ADAMTSL1: variants seen among roughly 807,000 people sequenced by gnomAD.
The protein encoded by ADAMTSL1 is ADAMTS-like protein 1.
In ADAMTSL1, 126 loss-of-function variants were observed where a neutral mutation model predicts 201.8. The observed-to-expected ratio is 0.62, with a 90% CI of 0.54 to 0.72. The LOEUF (loss-of-function observed/expected upper bound fraction) is 0.72. Among genes scored for constraint, ADAMTSL1 ranks in the 30% least tolerant of loss-of-function variants. The pLI is 0.00. For synonymous variants in ADAMTSL1, 1,121 were observed against 903.4 expected, an observed-to-expected ratio of 1.24 and a Z score of -4.32; for missense variants, 2,679 against 2,277.8, an observed-to-expected ratio of 1.18 and a Z score of -3.59.
chr9:18,795,868 T>C (rs1822389321), intron 20 of ADAMTSL1, among the ~76,000 whole-genome samples: 1 of 152,208 alleles, frequency 6.6e-6, no homozygotes, highest in South Asian at 2.1e-4. Context: ...TTGTGAATTA[T>C]AATCATTGAA....
intron 19 of ADAMTSL1, among the ~76,000 whole-genome samples, chr9:18,792,263 A>G (rs77016865): frequency 0.019 from 2,953 of 152,320 alleles, 87 homozygotes; most frequent in African/African-American, 0.061. Flanking sequence ...AAGAGGATCT[A>G]GAAATTCCTT....
intron 1 of ADAMTSL1, among the ~76,000 whole-genome samples, chr9:17,982,541 G>C (rs760866723): frequency 1.4e-4 from 21 of 152,160 alleles, no homozygotes; most frequent in Non-Finnish European, 2.8e-4. Context: ...GAACCCAAGA[G>C]GTGGAAGTTG....
At position 18,706,359 on chromosome 9, in the gene ADAMTSL1, G is replaced by A. The variant is rs144778523; in HGVS notation, c.1575-388G>A. ...ATCTTGGTTTGACAGGATCTGGCCG[G>A]CTTCTTTCCAGCATCCTATTTTATT... On this transcript the variant is annotated intron_variant, in intron 13 of 28. Transcript: ENST00000380548. 2.0e-5 allele frequency among the ~76,000 whole-genome samples: 3 copies of A among 152,230 alleles called. No individual in the cohort carries two copies. In the East Asian group the frequency reaches 5.8e-4, roughly 29 times the overall value.
chr9:18,738,539 A>T (rs1818645748), intron 15 of ADAMTSL1, among the ~76,000 whole-genome samples: 1 of 151,872 alleles, frequency 6.6e-6, no homozygotes, highest in Non-Finnish European at 1.5e-5. Context: ...TTGGGGTAGA[A>T]ACACTCTCCA....
chr9:18,572,901 C>T (rs1317428118), intron 3 of ADAMTSL1, among the ~76,000 whole-genome samples: 1 of 152,064 alleles, frequency 6.6e-6, no homozygotes, highest in South Asian at 2.1e-4. Context: ...GCTGGAGAGT[C>T]GACGACAGTC....
chr9:18,135,582 C>G (rs1485602471), intron 1 of ADAMTSL1, among the ~76,000 whole-genome samples: 1 of 151,912 alleles, frequency 6.6e-6, no homozygotes, highest in Non-Finnish European at 1.5e-5. Context: ...AACTGCTGAG[C>G]CCAGGAGTTT....
chr9:18,753,641 G>A (rs1819589702), intron 16 of ADAMTSL1, 133 bp downstream of exon 16: 2 of 989,796 alleles, frequency 2.0e-6, no homozygotes, highest in East Asian at 2.6e-5. Context: ...TCCCTTCTTA[G>A]TACTCCCCTA....
chr9:18,452,355 G>A lies in ADAMTSL1; in HGVS notation c.208-52474G>A, dbSNP rs541582171. 1.2e-4 allele frequency among the ~76,000 whole-genome samples: 18 copies of A among 152,336 alleles called. No homozygotes were observed. The South Asian group carries it at 3.7e-3, about 32-fold the overall frequency. ...ACCTCTCAACACTTGCACTGGGGCTGACTTTCCAAAACATGAACTTGGAGA... is the reference window on the plus strand; with the variant it reads ...ACCTCTCAACACTTGCACTGGGGCTAACTTTCCAAAACATGAACTTGGAGA... On this transcript the variant is annotated intron_variant, in intron 2 of 29. Coordinates refer to the ADAMTSL1 transcript ENST00000680146.
At chr9:18,002,496 T>G (rs1480446871) in intron 1 of ADAMTSL1, among the ~76,000 whole-genome samples, 1 of 152,036 alleles carries the variant, frequency 6.6e-6, no homozygotes, top group Non-Finnish European at 1.5e-5. Flanking sequence ...CTTAATAATG[T>G]AACTATTATT....
At chr9:18,826,088 C>A in intron 21 of ADAMTSL1, 196 bp from the exon 22 acceptor site, 1 of 640,690 alleles carries the variant, frequency 1.6e-6, no homozygotes, top group Non-Finnish European at 2.8e-6. Context: ...TATTCTGATT[C>A]TTTGGTCACC....
rs535662610 is a variant in ADAMTSL1 at position 18,644,730 on chromosome 9, T to C, written c.834+5319T>C. Among the ~76,000 whole-genome samples, 9 of 152,198 alleles carry C rather than the reference T, an allele frequency of 5.9e-5. No individual in the cohort carries two copies. In the South Asian group the frequency reaches 1.9e-3, roughly 32 times the overall value. ...AAGGACATGAACTCATCATTTTTTA[T>C]GGCTGCATAGTATTCCATGGTGTAT... On this transcript the variant is annotated intron_variant, in intron 7 of 28. Coordinates refer to ENST00000380548, the MANE Select transcript of ADAMTSL1 (RefSeq NM_001040272.6).
chr9:18,172,089 G>C (rs1448882236), intron 2 of ADAMTSL1, among the ~76,000 whole-genome samples: 1 of 148,500 alleles, frequency 6.7e-6, no homozygotes, highest in Admixed American at 6.8e-5. Flanking sequence ...GAGAACACAT[G>C]GACACAGGGA....
chr9:18,344,537 A>G (rs1835612127), intron 2 of ADAMTSL1, among the ~76,000 whole-genome samples: 1 of 152,152 alleles, frequency 6.6e-6, no homozygotes, highest in African/African-American at 2.4e-5. Flanking sequence ...CACAATACAC[A>G]TGTGAGATTC....
chr9:18,215,608 G>C (rs1196035101), intron 2 of ADAMTSL1, among the ~76,000 whole-genome samples: 1 of 152,116 alleles, frequency 6.6e-6, no homozygotes, highest in Non-Finnish European at 1.5e-5. Context: ...TTGTCATAGA[G>C]GTATATTTGT....
At chr9:18,053,160 C>T (rs1187359447) in intron 1 of ADAMTSL1, among the ~76,000 whole-genome samples, 1 of 152,220 alleles carries the variant, frequency 6.6e-6, no homozygotes, top group East Asian at 1.9e-4. Context: ...AACTTTTTGC[C>T]TGAGAATGCA....
intron 2 of ADAMTSL1, among the ~76,000 whole-genome samples, chr9:18,242,419 A>G (rs900625663): frequency 6.6e-6 from 1 of 152,182 alleles, no homozygotes; most frequent in Non-Finnish European, 1.5e-5. Flanking sequence ...CAATGGGGAA[A>G]AACTGAAAGC....
rs113002370 is a variant in ADAMTSL1 at position 18,494,897 on chromosome 9, G to A, written c.64-9932G>A. On this transcript the variant is annotated intron_variant, in intron 1 of 28. Coordinates refer to ENST00000380548, the MANE Select transcript of ADAMTSL1 (RefSeq NM_001040272.6). ...GAGCCATAGAAAATCTCCTAGCAAG[G>A]AGTGAACAGTTGAGCTTTGTATTCT... Among the ~76,000 whole-genome samples, 585 of 152,284 alleles carry A rather than the reference G, an allele frequency of 3.8e-3. 5 individuals are homozygous for A. The highest frequency in any genetic ancestry group is 6.4e-3 in the Non-Finnish European group (434 of 68,026).
intron 12 of ADAMTSL1, among the ~76,000 whole-genome samples, chr9:18,684,056 C>G (rs550422304): frequency 3.3e-5 from 5 of 152,264 alleles, no homozygotes; most frequent in Admixed American, 3.3e-4. Flanking sequence ...CATTTTTCTC[C>G]TCCACAATTT....
chr9:18,424,820 G>A (rs1819131570), intron 2 of ADAMTSL1, among the ~76,000 whole-genome samples: 1 of 152,140 alleles, frequency 6.6e-6, no homozygotes, highest in South Asian at 2.1e-4. Context: ...TCTACAGCCA[G>A]CCTTTCTGAC....
Sources: gnomAD v4.1 joint callset for allele counts (sites outside exome capture counted in the v4.1 genomes callset) on GRCh38, gnomAD v4.1.1 for gene constraint, MANE v1.5 for transcripts, NCBI Gene and HGNC (gene_info 2026-07-23, HGNC 2026-07-21) for gene names.